The following PEX14 variants were observed in gnomAD, a reference collection of about 807,000 sequenced individuals.
PEX14 encodes the protein peroxisomal membrane protein PEX14.
Under a neutral mutation model 49.5 loss-of-function variants are expected in PEX14, and 15 were observed. The ratio of observed to expected loss-of-function variants is 0.30; its 90% CI spans 0.20 to 0.47. The LOEUF (loss-of-function observed/expected upper bound fraction) is 0.47, where lower values mean the gene tolerates loss of function less well. Among genes scored for constraint, PEX14 ranks in the 20% least tolerant of loss-of-function variants. The pLI is 1.00. For missense variants in PEX14, 398 were observed against 494.8 expected, an observed-to-expected ratio of 0.80 and a Z score of 1.86; for synonymous variants, 210 against 212.7, an observed-to-expected ratio of 0.99 and a Z score of 0.11.
intron 1 of PEX14, among the ~76,000 whole-genome samples, chr1:10,485,622 A>G (rs1382840369): frequency 6.6e-6 from 1 of 151,432 alleles, no homozygotes; most frequent in Non-Finnish European, 1.5e-5. Flanking sequence ...CCGAGCCTAA[A>G]TATTTTTTTG....
In PEX14 at chr1:10,588,804, C is replaced by T. The variant is rs116344610; in HGVS notation, c.170-10434C>T. 5.3e-3 allele frequency among the ~76,000 whole-genome samples: 812 copies of T among 151,814 alleles called. 9 individuals carry two copies. Among genetic ancestry groups the T allele is most frequent in the African/African-American group, 0.019 (777 of 41,332 alleles). On this transcript the variant is annotated intron_variant, in intron 3 of 8. Transcript: ENST00000356607. ...CAATTCAGATATGTCAAAGAGAAGCCGTAAAGTGCTTCCTTTAAGTGAAAC... is the reference window on the plus strand; with the variant it reads ...CAATTCAGATATGTCAAAGAGAAGCTGTAAAGTGCTTCCTTTAAGTGAAAC...
chr1:10,602,702 A>G (rs1474205247), intron 4 of PEX14, among the ~76,000 whole-genome samples: 5 of 152,220 alleles, frequency 3.3e-5, no homozygotes, highest in Non-Finnish European at 7.3e-5. Flanking sequence ...AAATATTTAA[A>G]TGATTAATTG....
rs72869172 is a variant in PEX14, at chr1:10,519,888, G to A, written c.85-16325G>A. ...ACCTTCCGGCCGAAGTGATCCTCCC[G>A]CCTCGACCTCCATGTAGCTGGGACC... On this transcript the variant is annotated intron_variant, in intron 2 of 8. Coordinates refer to ENST00000356607, the MANE Select transcript of PEX14 (RefSeq NM_004565.3). Among the ~76,000 whole-genome samples, 388 of 152,120 alleles carry A rather than the reference G, an allele frequency of 2.6e-3. 3 individuals carry two copies. The highest frequency in any genetic ancestry group is 8.5e-3 in the African/African-American group (352 of 41,494).
At chr1:10,592,306 G>C (rs1640691692) in intron 3 of PEX14, among the ~76,000 whole-genome samples, 1 of 152,134 alleles carries the variant, frequency 6.6e-6, no homozygotes, top group African/African-American at 2.4e-5. Flanking sequence ...CCTGCTGTCT[G>C]TGGCAGCCGC....
intron 3 of PEX14, among the ~76,000 whole-genome samples, chr1:10,577,576 T>G (rs1410954801): frequency 1.7e-3 from 17 of 9,934 alleles, no homozygotes; most frequent in African/African-American, 6.6e-3. Context: ...TTTTTTTTTT[T>G]TTTTTTTTTT....
At chr1:10,599,598 G>A (rs1640926922) in intron 4 of PEX14, among the ~76,000 whole-genome samples, 1 of 152,200 alleles carries the variant, frequency 6.6e-6, no homozygotes, top group Non-Finnish European at 1.5e-5. Flanking sequence ...TGATTTTATT[G>A]TTGTTTCAGG....
intron 5 of PEX14, among the ~76,000 whole-genome samples, chr1:10,622,428 C>T (rs1340249794): frequency 6.6e-6 from 1 of 152,220 alleles, no homozygotes; most frequent in Admixed American, 6.5e-5. Flanking sequence ...CCAGCAGCCT[C>T]AGAGCGCACA....
chr1:10,559,596 C>G (rs1232172873), intron 3 of PEX14, among the ~76,000 whole-genome samples: 1 of 152,156 alleles, frequency 6.6e-6, no homozygotes, highest in Non-Finnish European at 1.5e-5. Context: ...TGCTGCAGCT[C>G]TCAACACCAC....
intron 2 of PEX14, among the ~76,000 whole-genome samples, chr1:10,502,927 A>G (rs1209043304): frequency 1.3e-5 from 2 of 150,866 alleles, no homozygotes; most frequent in Non-Finnish European, 2.9e-5. Flanking sequence ...CCTCCCCAGT[A>G]GCTGGGACTA....
rs892704025 is a variant in PEX14, at chr1:10,602,518, C to T, written c.298+3152C>T. Among the ~76,000 whole-genome samples the T allele has an allele frequency of 4.6e-5, 7 of 151,920 alleles. No individual in the cohort carries two copies. The East Asian group carries it at 5.8e-4, about 13-fold the overall frequency. On this transcript the variant is annotated intron_variant, in intron 4 of 8. Coordinates refer to ENST00000356607, the MANE Select transcript of PEX14 (RefSeq NM_004565.3). ...TAAATGACATTTGAATTACTTGTAG[C>T]GGTAATTTATTACATAAAATATCTT...
At chr1:10,531,975 A>G (rs77014074) in intron 2 of PEX14, among the ~76,000 whole-genome samples, 362 of 152,344 alleles carry the variant, frequency 2.4e-3, no homozygotes, top group African/African-American at 8.1e-3. Flanking sequence ...GAGGACTGTC[A>G]GGAACCTCAG....
Position 10,495,605 on chromosome 1 carries a change from C to T in PEX14, c.84+284C>T, listed in dbSNP as rs147954701. On this transcript the variant is annotated intron_variant, in intron 2 of 8. Transcript: ENST00000356607. This position sits in a 1 kb window ranked among gnomAD's most constrained non-coding sequence, Gnocchi z 4.2. The stretch of plus-strand genomic sequence containing the variant: ...TGATCAATAGTAATTAGTGAGATTC[C>T]TGCGCCCGTGGGAGGCTGAGGTGGA... 0.012 allele frequency among the ~76,000 whole-genome samples: 1,796 copies of T among 152,278 alleles called. 30 individuals carry two copies. The highest frequency in any genetic ancestry group is 0.037 in the African/African-American group (1,556 of 41,538).
intron 1 of PEX14, among the ~76,000 whole-genome samples, chr1:10,475,848 A>G (rs1246919578): frequency 1.3e-5 from 2 of 152,160 alleles, no homozygotes; most frequent in African/African-American, 4.8e-5. Context: ...GTTGAGCACA[A>G]ATTACATCTA....
intron 2 of PEX14, among the ~76,000 whole-genome samples, chr1:10,518,000 T>C (rs958979801): frequency 6.6e-6 from 1 of 152,164 alleles, no homozygotes; most frequent in Admixed American, 6.5e-5. Flanking sequence ...TCCTCTGTCA[T>C]GCGTTACTTT....
intron 3 of PEX14, among the ~76,000 whole-genome samples, chr1:10,546,420 C>A (rs1570244954): frequency 6.6e-6 from 1 of 151,870 alleles, no homozygotes; most frequent in East Asian, 1.9e-4. Context: ...ACAAAATTAG[C>A]CGGGTGTGGT....
intron 6 of PEX14, 51 bp from the exon 7 acceptor site, chr1:10,624,289 A>T: frequency 8.5e-7 from 1 of 1,174,598 alleles, no homozygotes; most frequent in Non-Finnish European, 1.3e-6. Flanking sequence ...GAGCGAGGGG[A>T]ACGTCTGTGC....
At chr1:10,573,636 C>T (rs1051790448) in intron 3 of PEX14, among the ~76,000 whole-genome samples, 5 of 152,182 alleles carry the variant, frequency 3.3e-5, no homozygotes, top group African/African-American at 1.2e-4. Context: ...CAGTAACCCT[C>T]ATGCATTGAT....
At chr1:10,530,411 G>T (rs966759817) in intron 2 of PEX14, among the ~76,000 whole-genome samples, 1 of 152,228 alleles carries the variant, frequency 6.6e-6, no homozygotes. Context: ...GCGAGTTAGC[G>T]GAGCGGCCGC....
rs541295144 is a variant in PEX14 at position 10,606,928 on chromosome 1, G to A, written c.298+7562G>A. Among the ~76,000 whole-genome samples the A allele has an allele frequency of 1.3e-3, 204 of 152,244 alleles. 1 individual carries two copies. The Middle Eastern group carries it at 0.017, about 13-fold the overall frequency. On this transcript the variant is annotated intron_variant, in intron 4 of 8. Coordinates refer to ENST00000356607, the MANE Select transcript of PEX14 (RefSeq NM_004565.3). Reference sequence around the variant, plus strand: ...CACCCATTTTAATTGTACAATTTGAGTTTTGATAAGTGTACATTTCCATAT... The same window carrying A: ...CACCCATTTTAATTGTACAATTTGAATTTTGATAAGTGTACATTTCCATAT...
Sources: allele counts gnomAD v4.1 joint callset (sites outside exome capture counted in the v4.1 genomes callset), GRCh38; gene constraint gnomAD v4.1.1; non-coding constraint Gnocchi (gnomAD v3.1); transcripts MANE v1.5; gene names NCBI Gene and HGNC (gene_info 2026-07-23, HGNC 2026-07-21).